The following ZNF254 variants were observed in gnomAD, a reference collection of about 807,000 sequenced individuals.
ZNF254 encodes CTD-2017D11.1.
ZNF254 carries 10 observed loss-of-function variants against 12.4 expected under a neutral mutation model. The ratio of observed to expected loss-of-function variants is 0.80; its 90% CI spans 0.50 to 1.36. The LOEUF is 1.36. Among genes scored for constraint, ZNF254 ranks in the 40% most tolerant of loss-of-function variants. ZNF254 has a pLI of 0.00. For synonymous variants in ZNF254, 305 were observed against 253.4 expected (o/e 1.20, Z -1.93); for missense variants, 996 against 763.9 (o/e 1.30, Z -3.58).
chr19:24,068,182 A>G (rs1480174837), intron 2 of ZNF254, among the ~76,000 whole-genome samples: 1 of 152,148 alleles, frequency 6.6e-6, no homozygotes, highest in African/African-American at 2.4e-5. Flanking sequence ...ATTGTGGCAT[A>G]TCACTGGGAT....
chr19:24,061,515 C>G (rs1204192667), intron 2 of ZNF254, among the ~76,000 whole-genome samples: 3 of 152,220 alleles, frequency 2.0e-5, no homozygotes, highest in African/African-American at 7.2e-5. Flanking sequence ...ATATGTCTCT[C>G]CTGCATGTGC....
chr19:24,097,875 C>A (rs1266345856), intron 1 of ZNF254, among the ~76,000 whole-genome samples: 1 of 151,536 alleles, frequency 6.6e-6, no homozygotes, highest in East Asian at 1.9e-4. Flanking sequence ...ATAAACTGAA[C>A]CAGTGGAGTC....
intron 1 of ZNF254, chr19:24,098,986 C>T (rs572785183): frequency 1.8e-5 from 2 of 109,394 alleles, no homozygotes; most frequent in South Asian, 2.9e-4. Flanking sequence ...TCAGGCTTCG[C>T]TCTTTTTTTT....
At chr19:24,117,694 G>T (rs553937523) in intron 3 of ZNF254, among the ~76,000 whole-genome samples, 1 of 152,038 alleles carries the variant, frequency 6.6e-6, no homozygotes, top group Non-Finnish European at 1.5e-5. Flanking sequence ...ACGCTTTGCT[G>T]CCCCCACTGT....
intron 2 of ZNF254, among the ~76,000 whole-genome samples, chr19:24,046,532 G>A (rs1970397362): frequency 6.6e-6 from 1 of 151,712 alleles, no homozygotes; most frequent in Non-Finnish European, 1.5e-5. Context: ...ATCAAAACTT[G>A]AGATTTCATT....
intron 1 of ZNF254, among the ~76,000 whole-genome samples, chr19:24,102,135 G>A (rs1173574800): frequency 6.6e-6 from 1 of 151,936 alleles, no homozygotes; most frequent in African/African-American, 2.4e-5. Context: ...ACAATAAATA[G>A]ATGTGTGCAA....
chr19:24,107,247 A>G (rs1806559634), intron 3 of ZNF254: 1 of 650,800 alleles, frequency 1.5e-6, no homozygotes, highest in African/African-American at 1.9e-5. Flanking sequence ...GAAGAAAAAC[A>G]CTGGAATTTT....
chr19:24,097,778 T>A (rs910967884), intron 1 of ZNF254, among the ~76,000 whole-genome samples: 24 of 113,160 alleles, frequency 2.1e-4, no homozygotes, highest in African/African-American at 6.9e-4. Context: ...CAAAACTCTA[T>A]CTCAAAAATA....
chr19:24,089,016 G>A (rs1219740976), intron 1 of ZNF254, among the ~76,000 whole-genome samples: 13 of 109,790 alleles, frequency 1.2e-4, no homozygotes, highest in South Asian at 2.9e-4. Flanking sequence ...CACTCTTGTT[G>A]CCCAGGCTGG....
intron 1 of ZNF254, among the ~76,000 whole-genome samples, chr19:24,034,488 GTTTTTTTTT>G (rs963358053): frequency 9.3e-6 from 1 of 107,332 alleles, no homozygotes; most frequent in Non-Finnish European, 1.8e-5. Flanking sequence ...AGGTAAGTGG[GTTTTTTTTT>G]TTTTTTTTTT....
chr19:24,038,236 C>T, intron 1 of ZNF254, among the ~76,000 whole-genome samples: 1 of 152,036 alleles, frequency 6.6e-6, no homozygotes, highest in East Asian at 1.9e-4. Context: ...AGGAGTTTAC[C>T]TTCAGCACAG....
At position 24,090,731 on chromosome 19, in the gene ZNF254, C is replaced by T. The variant is rs568321167; in HGVS notation, c.30+3394C>T. Among the ~76,000 whole-genome samples, 310 of 152,154 alleles carry T rather than the reference C, an allele frequency of 2.0e-3. 1 individual carries two copies. The highest frequency in any genetic ancestry group is 7.3e-3 in the African/African-American group (301 of 41,516). On this transcript the variant is annotated intron_variant, in intron 1 of 3. Transcript: ENST00000357002. ...AGATTACAGGCGTGAGCCATTGTGC[C>T]CAGCTCACCTCGGTTTTTTAACTGT...
rs1975101910 is a variant in ZNF254, at chr19:24,129,511, A to G, written c.*1531A>G. On this transcript the variant is annotated 3_prime_UTR_variant, in exon 4 of 4. Transcript: ENST00000357002. ...TTAAATTGCCAATAAGTTAAAGAAT[A>G]TTGTTCCTATGGGTTAAATTTTTAT... 6.6e-6 allele frequency: 1 copy of G among 152,030 alleles called. No homozygotes were observed. 9.4% of individuals were successfully genotyped at this position (152,030 alleles called of 1,614,324 possible).
Position 24,034,696 on chromosome 19 carries a change from C to G in ZNF254, c.-190+1075C>G, listed in dbSNP as rs576942028. 3.3e-5 allele frequency among the ~76,000 whole-genome samples: 5 copies of G among 151,714 alleles called. No individual in the cohort carries two copies. The South Asian group carries it at 1.0e-3, about 32-fold the overall frequency. On this transcript the variant is annotated intron_variant, in intron 1 of 4. Coordinates refer to the ZNF254 transcript ENST00000613065. ...TTCACCATTTTGGCCAGGCTGTTCT[C>G]CAACTCTGGACAAGAGGTAATCCAC...
At chr19:24,049,214 A>ATATATTTTTTTT (rs1160333151) in intron 2 of ZNF254, among the ~76,000 whole-genome samples, 3 of 40,866 alleles carry the variant, frequency 7.3e-5, no homozygotes, top group Non-Finnish European at 1.2e-4. Flanking sequence ...ATATATATAT[A>ATATATTTTTTTT]TTTTTTTTTT....
intron 3 of ZNF254, chr19:24,107,249 T>A (rs180830763): frequency 1.5e-6 from 1 of 649,766 alleles, no homozygotes; most frequent in Non-Finnish European, 2.8e-6. Context: ...AGAAAAACAC[T>A]GGAATTTTGA....
intron 1 of ZNF254, among the ~76,000 whole-genome samples, chr19:24,095,566 T>G (rs976632576): frequency 6.6e-6 from 1 of 152,196 alleles, no homozygotes; most frequent in Admixed American, 6.5e-5. Context: ...TTTTTGAGCT[T>G]CTTATTCATC....
intron 3 of ZNF254, among the ~76,000 whole-genome samples, chr19:24,117,315 G>A (rs1433789697): frequency 1.3e-5 from 2 of 152,178 alleles, no homozygotes; most frequent in Non-Finnish European, 2.9e-5. Flanking sequence ...TACAGAGGCA[G>A]GCAGGCCTCC....
Position 24,077,174 on chromosome 19 carries a change from C to G in ZNF254, c.-93-28766C>G, listed in dbSNP as rs146232045. 4.8e-3 allele frequency among the ~76,000 whole-genome samples: 738 copies of G among 152,280 alleles called. 10 individuals are homozygous for G. The highest frequency in any genetic ancestry group is 0.017 in the African/African-American group (706 of 41,554). On this transcript the variant is annotated intron_variant, in intron 2 of 4. Transcript: ENST00000613065. ...AATTTATTATTTTTTCTCTTATCTA[C>G]TTATGACTTGGAAGCCCCAACCTCA...
Sources: allele counts gnomAD v4.1 joint callset (sites outside exome capture counted in the v4.1 genomes callset), GRCh38; gene constraint gnomAD v4.1.1; transcripts MANE v1.5; gene names NCBI Gene and HGNC (gene_info 2026-07-23, HGNC 2026-07-21).